The following PROSER1 variants were observed in gnomAD, a reference collection of about 807,000 sequenced individuals.
The protein encoded by PROSER1 is proline and serine rich 1, also known as proline and serine-rich protein 1.
PROSER1 carries 36 observed loss-of-function variants against 71.8 expected under a neutral mutation model. The ratio of observed to expected loss-of-function variants is 0.50; its 90% CI spans 0.38 to 0.66. The LOEUF is 0.66. Ranked by LOEUF, PROSER1 falls within the 30% of genes least tolerant of loss-of-function variation. The pLI, the probability that PROSER1 is intolerant of heterozygous loss-of-function variation, is 0.00. For missense variants in PROSER1, 1,107 were observed against 1,135.0 expected (o/e 0.98, Z 0.35); for synonymous variants, 490 against 452.4 (o/e 1.08, Z -1.06).
intron 9 of PROSER1, chr13:39,017,815 G>A (rs746014575): frequency 4.7e-4 from 149 of 316,344 alleles, no homozygotes; most frequent in Non-Finnish European, 2.2e-4. Context: ...ACCTTAGCTT[G>A]TCAAGTTTTA....
intron 5 of PROSER1, 23 bp from the exon 6 acceptor site, chr13:39,026,410 G>C (rs1308432820): frequency 3.3e-6 from 5 of 1,505,958 alleles, no homozygotes; most frequent in Non-Finnish European, 4.5e-6. Context: ...AAAGAAGAGG[G>C]GTAGGAAAAA....
intron 3 of PROSER1, among the ~76,000 whole-genome samples, chr13:39,029,630 T>C (rs904816226): frequency 1.3e-5 from 2 of 152,106 alleles, no homozygotes; most frequent in African/African-American, 2.4e-5. Flanking sequence ...CATTTCTCAA[T>C]GTGTTCAGTT....
chr13:39,021,289 A>G (rs1214481532), intron 9 of PROSER1, among the ~76,000 whole-genome samples: 1 of 152,184 alleles, frequency 6.6e-6, no homozygotes, highest in African/African-American at 2.4e-5. Flanking sequence ...ACAGTCATCC[A>G]TCAATTTCAG....
chr13:39,031,239 C>T (rs1450323393), intron 3 of PROSER1, among the ~76,000 whole-genome samples: 2 of 152,144 alleles, frequency 1.3e-5, no homozygotes, highest in African/African-American at 2.4e-5. Context: ...ACAGTAATAA[C>T]TCTTCTAAGA....
chr13:39,030,491 T>C (rs1870786262), intron 3 of PROSER1, among the ~76,000 whole-genome samples: 1 of 152,156 alleles, frequency 6.6e-6, no homozygotes, highest in Non-Finnish European at 1.5e-5. Flanking sequence ...ATGAGTTTGT[T>C]GTCCTGATAA....
rs1869584766 is a variant in PROSER1 at position 39,010,372 on chromosome 13, C to T, written c.*993G>A. 6.6e-6 allele frequency: 1 copy of T among 152,552 alleles called. No homozygotes were observed. Among genetic ancestry groups the T allele is most frequent in the South Asian group, 2.1e-4 (1 of 4,824 alleles). 9.4% of individuals were successfully genotyped at this position (152,552 alleles called of 1,614,324 possible). A position where few individuals can be genotyped will look rare whatever the true frequency, so the allele number is the denominator to read the frequency against. On this transcript the variant is annotated 3_prime_UTR_variant, in exon 13 of 13. Transcript: ENST00000352251. ...AGATTGGAATTCATTCTCCTTACTC[C>T]CCTACTTCCCACATGTGGCAGTTAT...
chr13:39,013,446 AGTT>A lies in PROSER1; in HGVS notation c.1803_1805del (p.Thr602del), dbSNP rs1869797440. On this transcript the variant is annotated inframe_deletion, in exon 11 of 13. Transcript: ENST00000352251. ...GCTCAGTTTTGATCATAACAGGAAGAGTTGTTGCAGCAGGGGTAGATGAAATAT... is the reference window on the plus strand; with the variant it reads ...GCTCAGTTTTGATCATAACAGGAAGAGTTGCAGCAGGGGTAGATGAAATAT... 1 of 1,613,926 alleles carries A rather than the reference AGTT, an allele frequency of 6.2e-7. No individual in the cohort carries two copies. The highest frequency in any genetic ancestry group is 1.3e-5 in the African/African-American group (1 of 74,872).
chr13:39,013,845 CAA>C lies in PROSER1; in HGVS notation c.1405_1406del (p.Leu469ValfsTer11). ...AGPLGVNSPL[L>X]SALKGFLTSN... Reference sequence around the variant, plus strand: ...ATGTCAGAAAACCTTTTAACGCAGACAAAAGAGGACTGTTCACACCAAGTGGA... The same window carrying C: ...ATGTCAGAAAACCTTTTAACGCAGACAAGAGGACTGTTCACACCAAGTGGA... On this transcript the variant is annotated frameshift_variant, in exon 11 of 13. Coordinates refer to ENST00000352251, the MANE Select transcript of PROSER1 (RefSeq NM_025138.5). LOFTEE classifies it high-confidence loss of function. 6.2e-7 allele frequency: 1 copy of C among 1,614,154 alleles called. No individual in the cohort carries two copies. The highest frequency in any genetic ancestry group is 1.1e-5 in the South Asian group (1 of 91,072).
rs1239107545 is a variant in PROSER1 at position 39,017,493 on chromosome 13, T to C, written c.775+7A>G. 4 of 1,525,850 alleles carry C rather than the reference T, an allele frequency of 2.6e-6. No homozygotes were observed. Among genetic ancestry groups the C allele is most frequent in the East Asian group, 2.3e-5 (1 of 43,970 alleles). 94.5% of individuals were successfully genotyped at this position (1,525,850 alleles called of 1,614,324 possible). On this transcript the variant is annotated splice_region_variant and intron_variant, in intron 10 of 12. Transcript: ENST00000352251. Reference sequence around the variant, plus strand: ...TCCGTTATCTCTGGATCAAATTTGCTACTTACTTTGATTCTGTATAGGTTT... The same window carrying C: ...TCCGTTATCTCTGGATCAAATTTGCCACTTACTTTGATTCTGTATAGGTTT...
At position 39,037,260 on chromosome 13, in the gene PROSER1, C is replaced by A. The variant is rs1225068189; in HGVS notation, c.-18G>T. 1 of 1,602,314 alleles carries A rather than the reference C, an allele frequency of 6.2e-7. No homozygotes were observed. Among genetic ancestry groups the A allele is most frequent in the Admixed American group, 1.7e-5 (1 of 60,002 alleles). The stretch of plus-strand genomic sequence containing the variant: ...TTATCCATCTTGACTACTATCCCGA[C>A]GTGGTTTTAACAGTTATACTTGCAA... On this transcript the variant is annotated 5_prime_UTR_variant, in exon 1 of 13. Coordinates refer to ENST00000352251, the MANE Select transcript of PROSER1 (RefSeq NM_025138.5).
intron 10 of PROSER1, 83 bp from the exon 11 acceptor site, chr13:39,014,559 G>C: frequency 1.0e-6 from 1 of 992,522 alleles, no homozygotes; most frequent in South Asian, 1.7e-5. Context: ...AACCATTTTT[G>C]TAATATTTAA....
intron 1 of PROSER1, among the ~76,000 whole-genome samples, chr13:39,036,427 G>C (rs116427889): frequency 6.6e-6 from 1 of 152,270 alleles, no homozygotes; most frequent in Non-Finnish European, 1.5e-5. Context: ...TGCAGCTGAC[G>C]AAAGAATAAT....
chr13:39,014,275 G>A lies in PROSER1; in HGVS notation c.977C>T (p.Thr326Ile), dbSNP rs774286786. Residue 326 changes from threonine to isoleucine, a missense_variant, in exon 11 of 13, where the codon ACA becomes ATA. Thr to Ile is a moderately conservative substitution (Grantham distance 89, BLOSUM62 -1). Transcript: ENST00000352251. ...TGGGTTTGGTATTGATGGCTGAGGT[G>A]TGTGAACGGCTGAGGAGACCTGCCC... ...FPGQVSSAVH[T>I]PQPSIPNPTV... 4 of 1,614,154 alleles carry A rather than the reference G, an allele frequency of 2.5e-6. No individual in the cohort carries two copies. Among genetic ancestry groups the A allele is most frequent in the Non-Finnish European group, 3.4e-6 (4 of 1,180,026 alleles).
intron 4 of PROSER1, 30 bp downstream of exon 4, chr13:39,029,247 TAAAA>T (rs34146778): frequency 0.012 from 8,685 of 733,308 alleles, 10 homozygotes; most frequent in Non-Finnish European, 0.013. Flanking sequence ...TTTTCCCAAG[TAAAA>T]AAAAAAAAAA....
intron 1 of PROSER1, among the ~76,000 whole-genome samples, chr13:39,034,831 A>C (rs575341584): frequency 1.2e-4 from 18 of 152,354 alleles, no homozygotes; most frequent in African/African-American, 4.3e-4. Flanking sequence ...GAAGACTATA[A>C]TAGTGGACAT....
At chr13:39,024,013 G>A (rs990038246) in intron 7 of PROSER1, 7 of 155,742 alleles carry the variant, frequency 4.5e-5, no homozygotes, top group African/African-American at 1.7e-4. Context: ...CAAGGTGGTT[G>A]TATGCAGGCC....
At position 39,027,576 on chromosome 13, in the gene PROSER1, C is replaced by T. The variant is rs566835780; in HGVS notation, c.369+651G>A. On this transcript the variant is annotated intron_variant, in intron 5 of 12. Transcript: ENST00000352251. ...GTTACTGAAGTAAATAAACATGGCT[C>T]AGATCTTAACTCTTCTACAACAATG... is the stretch of plus-strand genomic sequence containing the variant. 2.7e-4 allele frequency among the ~76,000 whole-genome samples: 41 copies of T among 152,258 alleles called. 2 individuals are homozygous for T. In the South Asian group the frequency reaches 8.5e-3, roughly 32 times the overall value.
At chr13:39,033,629 C>T (rs879697717) in intron 2 of PROSER1, among the ~76,000 whole-genome samples, 1 of 152,210 alleles carries the variant, frequency 6.6e-6, no homozygotes, top group Admixed American at 6.5e-5. Flanking sequence ...GAAGTTTTCA[C>T]TAAACTATCA....
Position 39,031,647 on chromosome 13 carries a change from T to C in PROSER1, c.112-16A>G, listed in dbSNP as rs377546823. On this transcript the variant is annotated splice_polypyrimidine_tract_variant and intron_variant, in intron 2 of 12. Transcript: ENST00000352251. The stretch of plus-strand genomic sequence containing the variant: ...AATCAACCACCTGAAAACAAAGAAC[T>C]AACAGCTCTAATGACAGCATGTTTG... 185 of 1,605,578 alleles carry C rather than the reference T, an allele frequency of 1.2e-4. No individual in the cohort carries two copies. Among genetic ancestry groups the C allele is most frequent in the Admixed American group, 8.0e-4 (47 of 58,800 alleles).
Sources: allele counts gnomAD v4.1 joint callset (sites outside exome capture counted in the v4.1 genomes callset), GRCh38; gene constraint gnomAD v4.1.1; transcripts MANE v1.5; gene names NCBI Gene and HGNC (gene_info 2026-07-23, HGNC 2026-07-21).